GEM: variants seen among roughly 807,000 people sequenced by gnomAD.
GEM encodes the protein GTP-binding protein GEM.
Under a neutral mutation model 33.0 loss-of-function variants are expected in GEM, and 31 were observed. That is an observed-to-expected ratio of 0.94 (90% confidence interval 0.71 to 1.27). The LOEUF is 1.27. GEM is among the 50% of genes most tolerant of loss of function. The pLI is 0.00. For missense variants in GEM, 354 were observed against 390.5 expected, an observed-to-expected ratio of 0.91 and a Z score of 0.79; for synonymous variants, 141 against 143.7, an observed-to-expected ratio of 0.98 and a Z score of 0.13.
rs138012458 is a variant in GEM at position 94,250,547 on chromosome 8, G to A, written c.654C>T (p.Ile218=). Residue 218 remains isoleucine, a synonymous_variant, in exon 5 of 5, where the codon ATC becomes ATT. Coordinates refer to ENST00000297596, the MANE Select transcript of GEM (RefSeq NM_005261.4). ...TGTGCTGGACAGCTGCAGAGGTCTC[G>A]ATGAACTTGCAGTCAAACACCACTG... ...ACAVVFDCKF[I]ETSAAVQHNV... is the part of the protein sequence containing the mutation. 242 of 1,614,026 alleles carry A rather than the reference G, an allele frequency of 1.5e-4. No individual in the cohort carries two copies. The African/African-American group carries it at 2.5e-3, about 16-fold the overall frequency.
intron 1 of GEM, among the ~76,000 whole-genome samples, chr8:94,261,694 A>T (rs1001745189): frequency 6.6e-6 from 1 of 151,556 alleles, no homozygotes; most frequent in Admixed American, 6.6e-5. Context: ...AAGGCTGAAG[A>T]CTCCCCTAAA....
rs1304770745 is a variant in GEM at position 94,250,405 on chromosome 8, C to A, written c.796G>T (p.Ala266Ser). ...QKRKESMPRK[A>S]RRFWGKIVAK... ...ACGATCTTGCCCCAGAAGCGCCTGGCTTTCCTGGGCATGCTCTCCTTCCTT... is the reference window on the plus strand; with the variant it reads ...ACGATCTTGCCCCAGAAGCGCCTGGATTTCCTGGGCATGCTCTCCTTCCTT... The change falls in exon 5 of 5, where the codon GCC becomes TCC. Residue 266 changes from alanine (A) to serine (S), a missense_variant. Transcript: ENST00000297596. 6.2e-7 allele frequency: 1 copy of A among 1,614,156 alleles called. No homozygotes were observed. Among genetic ancestry groups the A allele is most frequent in the East Asian group, 2.2e-5 (1 of 44,886 alleles).
chr8:94,258,941 C>T (rs1219245133), intron 2 of GEM, among the ~76,000 whole-genome samples: 2 of 152,190 alleles, frequency 1.3e-5, no homozygotes, highest in African/African-American at 2.4e-5. Context: ...AAGTGCCTCT[C>T]CCGTTGCAAA....
At chr8:94,258,483 A>C (rs1415085005) in intron 2 of GEM, among the ~76,000 whole-genome samples, 1 of 152,176 alleles carries the variant, frequency 6.6e-6, no homozygotes, top group Admixed American at 6.5e-5. Context: ...TGTGTGGCTG[A>C]TGCCCAATGT....
chr8:94,256,926 A>G (rs1327721049), intron 2 of GEM, among the ~76,000 whole-genome samples: 1 of 152,124 alleles, frequency 6.6e-6, no homozygotes, highest in Admixed American at 6.5e-5. Context: ...CAATTACACT[A>G]ATGAGGCAGC....
chr8:94,250,513 C>A lies in GEM; in HGVS notation c.688G>T (p.Glu230Ter). 6.2e-7 allele frequency: 1 copy of A among 1,614,170 alleles called. No homozygotes were observed. Among genetic ancestry groups the A allele is most frequent in the Non-Finnish European group, 8.5e-7 (1 of 1,179,988 alleles). ...TGTCGCACAATGCCCTCAAACAGCT[C>A]CTTCACGTTGTGCTGGACAGCTGCA... ...TSAAVQHNVK[E>*]LFEGIVRQVR... The change falls in exon 5 of 5, where the codon GAG (glutamate) becomes TAG (stop). Residue 230 changes from glutamate (E) to a stop codon, truncating the protein, a stop_gained. Coordinates refer to ENST00000297596, the MANE Select transcript of GEM (RefSeq NM_005261.4). LOFTEE classifies it high-confidence loss of function.
chr8:94,255,976 C>T (rs1481467746), intron 2 of GEM, among the ~76,000 whole-genome samples: 1 of 152,144 alleles, frequency 6.6e-6, no homozygotes, highest in Non-Finnish European at 1.5e-5. Flanking sequence ...AGTCAGGCTC[C>T]TCTGAATCCT....
chr8:94,253,551 C>T (rs1288150732), intron 2 of GEM, among the ~76,000 whole-genome samples: 1 of 152,206 alleles, frequency 6.6e-6, no homozygotes, highest in Non-Finnish European at 1.5e-5. Context: ...ACTGAATACT[C>T]ACTAGCAATT....
intron 2 of GEM, among the ~76,000 whole-genome samples, chr8:94,256,888 G>C (rs184815362): frequency 3.3e-5 from 5 of 152,186 alleles, no homozygotes; most frequent in African/African-American, 1.2e-4. Context: ...TTTAATCCTC[G>C]TAACACCCTA....
intron 2 of GEM, among the ~76,000 whole-genome samples, chr8:94,259,575 G>A (rs2129776753): frequency 6.6e-6 from 1 of 152,236 alleles, no homozygotes; most frequent in East Asian, 1.9e-4. Context: ...AATAGGCCAG[G>A]CTCCAATCAA....
chr8:94,253,018 G>C lies in GEM; in HGVS notation c.408+18C>G. On this transcript the variant is annotated intron_variant, in intron 3 of 4. Coordinates refer to ENST00000297596, the MANE Select transcript of GEM (RefSeq NM_005261.4). ...GGAAAGCCCTAAAGGAATTTAGAGA[G>C]CTACAGGCTCTGCATACCTTATTTT... The C allele has an allele frequency of 7.0e-7, 1 of 1,420,708 alleles. No individual in the cohort carries two copies. Among genetic ancestry groups the C allele is most frequent in the East Asian group, 2.3e-5 (1 of 44,016 alleles). 88.0% of individuals were successfully genotyped at this position (1,420,708 alleles called of 1,614,324 possible).
chr8:94,260,794 C>A, intron 1 of GEM: 1 of 311,394 alleles, frequency 3.2e-6, no homozygotes, highest in Admixed American at 4.5e-5. Flanking sequence ...CATGGGCTTC[C>A]CCCTTCCTCA....
intron 1 of GEM, 191 bp from the exon 2 acceptor site, chr8:94,260,703 GC>G (rs1809003652): frequency 1.8e-6 from 1 of 548,350 alleles, no homozygotes; most frequent in African/African-American, 1.9e-5. Context: ...CACACATGCT[GC>G]CCACACTGTC....
intron 2 of GEM, among the ~76,000 whole-genome samples, chr8:94,255,576 G>A (rs1020110140): frequency 6.6e-6 from 1 of 152,166 alleles, no homozygotes; most frequent in Non-Finnish European, 1.5e-5. Context: ...AGTAACCAGA[G>A]CTCCAGGTTT....
intron 2 of GEM, among the ~76,000 whole-genome samples, chr8:94,257,353 TG>T (rs1808912335): frequency 6.6e-6 from 1 of 152,010 alleles, no homozygotes; most frequent in Admixed American, 6.6e-5. Context: ...GCTAATTTTT[TG>T]TATTTTTAGT....
At chr8:94,254,674 T>C (rs1006724403) in intron 2 of GEM, among the ~76,000 whole-genome samples, 1 of 152,224 alleles carries the variant, frequency 6.6e-6, no homozygotes, top group Admixed American at 6.5e-5. Context: ...TGTTTTACAA[T>C]AGCGAGCAGT....
intron 3 of GEM, among the ~76,000 whole-genome samples, chr8:94,252,493 C>G (rs1254532441): frequency 6.6e-6 from 1 of 152,174 alleles, no homozygotes; most frequent in Non-Finnish European, 1.5e-5. Context: ...ATAAATTACA[C>G]AACTTCTCTG....
chr8:94,252,618 T>A (rs17734778), intron 3 of GEM, among the ~76,000 whole-genome samples: 9,522 of 152,238 alleles, frequency 0.063, 366 homozygotes, highest in Admixed American at 0.092. Flanking sequence ...TTTGTGGGAC[T>A]AGGAGGGTTT....
Position 94,258,084 on chromosome 8 carries a change from A to ATC in GEM, c.331+2087_331+2088dup, listed in dbSNP as rs140743888. Among the ~76,000 whole-genome samples the ATC allele has an allele frequency of 3.6e-3, 533 of 149,560 alleles. 2 individuals carry two copies. Among genetic ancestry groups the ATC allele is most frequent in the African/African-American group, 0.012 (494 of 40,912 alleles). On this transcript the variant is annotated intron_variant, in intron 2 of 4. Coordinates refer to ENST00000297596, the MANE Select transcript of GEM (RefSeq NM_005261.4). The stretch of plus-strand genomic sequence containing the variant: ...TGCCCAATGTGCTGTCATATTGGGC[A>ATC]TCTCTCTCTCTCTCTCTCAACAAAG...
Sources: allele counts gnomAD v4.1 joint callset (sites outside exome capture counted in the v4.1 genomes callset), GRCh38; gene constraint gnomAD v4.1.1; transcripts MANE v1.5; gene names NCBI Gene and HGNC (gene_info 2026-07-23, HGNC 2026-07-21).